The following EPHA6 variants were observed in gnomAD, a reference collection of about 807,000 sequenced individuals.
EPHA6 encodes the protein ephrin type-A receptor 6.
EPHA6 carries 50 observed loss-of-function variants against 112.0 expected under a neutral mutation model. The observed-to-expected ratio is 0.45, with a 90% CI of 0.36 to 0.56. The LOEUF (loss-of-function observed/expected upper bound fraction) is 0.56, where lower values mean the gene tolerates loss of function less well. Among genes scored for constraint, EPHA6 ranks in the 20% least tolerant of loss-of-function variants. The probability of loss-of-function intolerance (pLI) is 0.00; values close to 1 mark genes in which losing one functional copy is unlikely to be tolerated. For missense variants in EPHA6, 1,280 were observed against 1,417.4 expected, an observed-to-expected ratio of 0.90 and a Z score of 1.56; for synonymous variants, 529 against 490.7, an observed-to-expected ratio of 1.08 and a Z score of -1.03.
intron 2 of EPHA6, among the ~76,000 whole-genome samples, chr3:96,891,775 T>G (rs1244637525): frequency 3.3e-5 from 5 of 152,170 alleles, no homozygotes; most frequent in African/African-American, 1.2e-4. Context: ...GATAGCTACA[T>G]GGGTCTGTTC....
intron 2 of EPHA6, among the ~76,000 whole-genome samples, chr3:96,890,853 A>G (rs932448823): frequency 1.3e-5 from 2 of 152,216 alleles, no homozygotes; most frequent in Admixed American, 1.3e-4. Flanking sequence ...TGGGAAGCCA[A>G]GGCAGGTGGA....
intron 6 of EPHA6, chr3:97,447,793 A>G (rs1213846266): frequency 9.8e-7 from 1 of 1,015,672 alleles, no homozygotes; most frequent in Non-Finnish European, 1.2e-6. Flanking sequence ...CAAGAGACTG[A>G]GAACCAAGCC....
chr3:96,864,614 T>C (rs2036200947), intron 1 of EPHA6, among the ~76,000 whole-genome samples: 1 of 152,070 alleles, frequency 6.6e-6, no homozygotes, highest in South Asian at 2.1e-4. Context: ...AGCTTGATTG[T>C]AGCCATGGTT....
At chr3:97,527,673 G>T (rs1387807918) in intron 10 of EPHA6, among the ~76,000 whole-genome samples, 2 of 151,888 alleles carry the variant, frequency 1.3e-5, no homozygotes, top group Non-Finnish European at 2.9e-5. Context: ...GCCACATAGG[G>T]GTTGCATTTG....
chr3:97,429,576 G>C (rs1163584416), intron 6 of EPHA6, among the ~76,000 whole-genome samples: 8 of 152,172 alleles, frequency 5.3e-5, no homozygotes, highest in African/African-American at 1.4e-4. Flanking sequence ...CGTGAGCCTA[G>C]AGATAGAAAA....
At chr3:97,279,038 A>T (rs1476063930) in intron 5 of EPHA6, among the ~76,000 whole-genome samples, 1 of 152,226 alleles carries the variant, frequency 6.6e-6, no homozygotes, top group Admixed American at 6.5e-5. Flanking sequence ...ACAGCTTTTC[A>T]CAACAATTAT....
At chr3:96,924,850 A>G (rs746012972) in intron 2 of EPHA6, among the ~76,000 whole-genome samples, 2 of 152,106 alleles carry the variant, frequency 1.3e-5, no homozygotes, top group Admixed American at 1.3e-4. Context: ...ATGAAGGAAT[A>G]TTGAATTTTA....
chr3:97,742,064 C>T (rs1289703985), intron 16 of EPHA6, among the ~76,000 whole-genome samples: 4 of 152,076 alleles, frequency 2.6e-5, no homozygotes, highest in African/African-American at 9.7e-5. Context: ...ATGGCAGTAA[C>T]ATCACATAAT....
intron 2 of EPHA6, among the ~76,000 whole-genome samples, chr3:96,887,559 T>C (rs2037701808): frequency 6.6e-6 from 1 of 152,194 alleles, no homozygotes; most frequent in Non-Finnish European, 1.5e-5. Flanking sequence ...TCTATTTTTG[T>C]GCTGGTTGGC....
At chr3:97,383,942 T>C (rs1015420170) in intron 5 of EPHA6, among the ~76,000 whole-genome samples, 3 of 152,176 alleles carry the variant, frequency 2.0e-5, no homozygotes, top group Admixed American at 6.5e-5. Context: ...ACCAGAGATA[T>C]TCAATTTTGA....
chr3:97,171,306 T>C (rs184109533), intron 3 of EPHA6, among the ~76,000 whole-genome samples: 231 of 152,140 alleles, frequency 1.5e-3, no homozygotes, highest in African/African-American at 5.3e-3. Flanking sequence ...GAATGAAAAG[T>C]GTGAGAAGAA....
At chr3:96,950,189 A>T (rs952235030) in intron 2 of EPHA6, among the ~76,000 whole-genome samples, 2 of 151,918 alleles carry the variant, frequency 1.3e-5, no homozygotes, top group Non-Finnish European at 2.9e-5. Context: ...CTAATGTTCC[A>T]ACCACAATGC....
At chr3:97,654,493 A>G (rs1301958831) in intron 14 of EPHA6, among the ~76,000 whole-genome samples, 1 of 151,998 alleles carries the variant, frequency 6.6e-6, no homozygotes, top group Non-Finnish European at 1.5e-5. Context: ...ATAATCTCAG[A>G]TAGTGATAAA....
At chr3:97,257,099 C>A (rs182000711) in intron 5 of EPHA6, among the ~76,000 whole-genome samples, 10 of 151,768 alleles carry the variant, frequency 6.6e-5, no homozygotes, top group African/African-American at 2.4e-4. Context: ...AAAATTTATT[C>A]AGGGAAAACT....
intron 14 of EPHA6, among the ~76,000 whole-genome samples, chr3:97,669,689 C>T (rs916475367): frequency 6.6e-6 from 1 of 151,868 alleles, no homozygotes; most frequent in Non-Finnish European, 1.5e-5. Context: ...TTTTTATACA[C>T]ATTTAAGTTT....
intron 3 of EPHA6, among the ~76,000 whole-genome samples, chr3:97,091,264 T>C (rs989797270): frequency 9.2e-5 from 14 of 152,278 alleles, no homozygotes; most frequent in African/African-American, 3.1e-4. Context: ...TTTGCCATTT[T>C]CTATGCCATT....
At chr3:97,250,284 C>T (rs181752887) in intron 5 of EPHA6, among the ~76,000 whole-genome samples, 134 of 152,252 alleles carry the variant, frequency 8.8e-4, no homozygotes, top group Non-Finnish European at 1.4e-3. Context: ...AACACTAAAC[C>T]ATCCTTTAAT....
At chr3:96,859,736 C>G (rs748883898) in intron 1 of EPHA6, among the ~76,000 whole-genome samples, 1 of 152,004 alleles carries the variant, frequency 6.6e-6, no homozygotes, top group African/African-American at 2.4e-5. Flanking sequence ...ATTTCCCTTT[C>G]TGTTGTCTAC....
In EPHA6 at chr3:96,987,731, C is replaced by T. The variant is rs55761259; in HGVS notation, c.852C>T (p.Asp284=). The change falls in exon 3 of 18, where the codon GAC becomes GAT. Residue 284 remains aspartate (D), a synonymous_variant. Transcript: ENST00000389672. ...ERKGFYLAFQ[D]IGACIALVSV... is the part of the protein sequence containing the mutation. ...AAGGATTTTATCTGGCTTTTCAAGA[C>T]ATTGGGGCGTGCATTGCCCTGGTTT... 730 of 1,611,936 alleles carry T rather than the reference C, an allele frequency of 4.5e-4. 1 individual carries two copies. The African/African-American group carries it at 8.9e-3, about 20-fold the overall frequency.
Sources: gnomAD v4.1 joint callset for allele counts (sites outside exome capture counted in the v4.1 genomes callset) on GRCh38, gnomAD v4.1.1 for gene constraint, MANE v1.5 for transcripts, NCBI Gene and HGNC (gene_info 2026-07-23, HGNC 2026-07-21) for gene names.